Variants in NETO2 observed in about 807,000 individuals in gnomAD.
NETO2 encodes the protein neuropilin and tolloid like 2, also known as neuropilin and tolloid-like protein 2.
NETO2 carries 28 observed loss-of-function variants against 62.5 expected under a neutral mutation model. The observed-to-expected ratio is 0.45, with a 90% CI of 0.33 to 0.61. NETO2 has a LOEUF of 0.61. Ranked by LOEUF, NETO2 falls within the 20% of genes least tolerant of loss-of-function variation. The pLI is 0.02. For missense variants in NETO2, 548 were observed against 643.2 expected, an observed-to-expected ratio of 0.85 and a Z score of 1.60; for synonymous variants, 214 against 219.1, an observed-to-expected ratio of 0.98 and a Z score of 0.21.
At position 47,128,510 on chromosome 16, in the gene NETO2, T is replaced by C. The variant is rs1339100547; in HGVS notation, c.296A>G (p.Glu99Gly). The part of the protein sequence containing the change: ...DEHYYIEPSF[E>G]CRFDHLEVRD... ...AACTTCCAAGTGATCAAACCGACAC[T>C]CAAATGATGGTTCTATATAATAATG... Residue 99 changes from glutamate to glycine, a missense_variant, in exon 4 of 9, where the codon GAG becomes GGG. By Grantham distance (98) the Glu-to-Gly change is moderately conservative. Transcript: ENST00000562435. The C allele has an allele frequency of 6.2e-7, 1 of 1,613,926 alleles. No homozygotes were observed. The highest frequency in any genetic ancestry group is 1.1e-5 in the South Asian group (1 of 91,082).
At chr16:47,112,815 A>T (rs1963828156) in intron 6 of NETO2, among the ~76,000 whole-genome samples, 1 of 152,234 alleles carries the variant, frequency 6.6e-6, no homozygotes, top group South Asian at 2.1e-4. Context: ...AAATTTGTGA[A>T]TATGGAATTA....
chr16:47,103,279 C>T (rs1308788201), intron 7 of NETO2, among the ~76,000 whole-genome samples: 2 of 152,126 alleles, frequency 1.3e-5, no homozygotes, highest in Non-Finnish European at 2.9e-5. Context: ...GAACGTCACA[C>T]ACCGGGGCCT....
At chr16:47,123,016 A>G in intron 4 of NETO2, 104 bp from the exon 5 acceptor site, 1 of 1,102,362 alleles carries the variant, frequency 9.1e-7, no homozygotes, top group Non-Finnish European at 1.3e-6. Flanking sequence ...AGGTAAGAGA[A>G]GCTTTCATTG....
At chr16:47,134,460 T>C (rs142550980) in intron 1 of NETO2, among the ~76,000 whole-genome samples, 17 of 152,296 alleles carry the variant, frequency 1.1e-4, no homozygotes, top group Non-Finnish European at 2.1e-4. Context: ...AGAAGATTTA[T>C]GATCAAAAAG....
At chr16:47,131,235 T>G (rs1596746028) in intron 2 of NETO2, among the ~76,000 whole-genome samples, 1 of 152,044 alleles carries the variant, frequency 6.6e-6, no homozygotes, top group African/African-American at 2.4e-5. Context: ...GGGTGGACGG[T>G]AGGTGCGTGA....
intron 1 of NETO2, among the ~76,000 whole-genome samples, chr16:47,140,083 G>A (rs1230310989): frequency 2.0e-5 from 3 of 152,182 alleles, no homozygotes; most frequent in Admixed American, 6.5e-5. Context: ...TAACAAACCC[G>A]TTGAAGTGTC....
intron 1 of NETO2, among the ~76,000 whole-genome samples, chr16:47,137,244 T>C (rs889509937): frequency 6.6e-6 from 1 of 152,230 alleles, no homozygotes; most frequent in East Asian, 1.9e-4. Flanking sequence ...CATAATCACC[T>C]TGGGTTTATT....
rs998114042 is a variant in NETO2 at position 47,143,667 on chromosome 16, C to A, written c.-55G>T. The A allele has an allele frequency of 8.2e-7, 1 of 1,216,922 alleles. No homozygotes were observed. 75.4% of individuals were successfully genotyped at this position (1,216,922 alleles called of 1,614,324 possible). On this transcript the variant is annotated 5_prime_UTR_variant, in exon 1 of 9. Transcript: ENST00000562435. ...GGCTGAGGTAGCGGCGGCGGTGGCTCGGCGCTCACGGCTCGGCGCGGCGGC... is the reference window on the plus strand; with the variant it reads ...GGCTGAGGTAGCGGCGGCGGTGGCTAGGCGCTCACGGCTCGGCGCGGCGGC...
chr16:47,139,083 T>C (rs781203521), intron 1 of NETO2, among the ~76,000 whole-genome samples: 4 of 152,198 alleles, frequency 2.6e-5, no homozygotes, highest in Admixed American at 6.5e-5. Context: ...TGGTTGTCTG[T>C]CTCTTCTCAC....
In NETO2 at chr16:47,081,046, G is replaced by C. The variant is rs1198861454; in HGVS notation, c.*2175C>G. On this transcript the variant is annotated 3_prime_UTR_variant, in exon 9 of 9. Transcript: ENST00000562435. Reference sequence around the variant, plus strand: ...TCTTTAAAGGCTCTGTATTTTGTAGGCCTCTTCAAGACCTTATAAATAGAA... The same window carrying C: ...TCTTTAAAGGCTCTGTATTTTGTAGCCCTCTTCAAGACCTTATAAATAGAA... The C allele has an allele frequency of 6.6e-6, 1 of 151,970 alleles. No homozygotes were observed. The highest frequency in any genetic ancestry group is 2.4e-5 in the African/African-American group (1 of 41,392). 9.4% of individuals were successfully genotyped at this position (151,970 alleles called of 1,614,324 possible).
intron 6 of NETO2, among the ~76,000 whole-genome samples, chr16:47,115,688 G>A (rs936445206): frequency 1.2e-4 from 15 of 121,346 alleles, no homozygotes; most frequent in East Asian, 2.0e-4. Context: ...CACCATGCCC[G>A]GCTAATTTTT....
chr16:47,084,113 T>C (rs1018899997), intron 8 of NETO2, among the ~76,000 whole-genome samples: 4 of 152,304 alleles, frequency 2.6e-5, no homozygotes, highest in South Asian at 4.1e-4. Flanking sequence ...TAAATACTCT[T>C]GTTCTATCAA....
intron 6 of NETO2, among the ~76,000 whole-genome samples, chr16:47,118,906 C>A (rs1167892347): frequency 6.6e-6 from 1 of 152,120 alleles, no homozygotes; most frequent in Admixed American, 6.5e-5. Flanking sequence ...AAACTTCTGT[C>A]ATCAGTTCCC....
chr16:47,086,084 C>T (rs945489142), intron 8 of NETO2, 142 bp downstream of exon 8: 29 of 660,346 alleles, frequency 4.4e-5, no homozygotes, highest in East Asian at 2.6e-4. Flanking sequence ...CCAGCCTGGG[C>T]GACAGAGCAG....
Position 47,081,739 on chromosome 16 carries a change from C to T in NETO2, c.*1482G>A, listed in dbSNP as rs142710041. 1 of 152,472 alleles carries T rather than the reference C, an allele frequency of 6.6e-6. No homozygotes were observed. The highest frequency in any genetic ancestry group is 2.4e-5 in the African/African-American group (1 of 41,556). The allele number at this position is 152,472 out of a possible 1,614,324, so 9.4% of individuals were successfully genotyped here. ...ACAATTTGATAAATGAGTTCCTTTCCATACATACCTTAAGATCCACAACCT... is the reference window on the plus strand; with the variant it reads ...ACAATTTGATAAATGAGTTCCTTTCTATACATACCTTAAGATCCACAACCT... On this transcript the variant is annotated 3_prime_UTR_variant, in exon 9 of 9. Coordinates refer to ENST00000562435, the MANE Select transcript of NETO2 (RefSeq NM_018092.5).
chr16:47,115,248 G>A (rs1442417084), intron 6 of NETO2, among the ~76,000 whole-genome samples: 1 of 152,040 alleles, frequency 6.6e-6, no homozygotes, highest in African/African-American at 2.4e-5. Context: ...TCTAGAATCA[G>A]TTTGTCAATC....
At chr16:47,106,527 G>A (rs1315334419) in intron 7 of NETO2, among the ~76,000 whole-genome samples, 2 of 151,748 alleles carry the variant, frequency 1.3e-5, no homozygotes, top group African/African-American at 2.4e-5. Context: ...AATATCTAAC[G>A]AAATTACACA....
At chr16:47,129,095 C>A (rs755442436) in intron 3 of NETO2, 129 bp downstream of exon 3, 20 of 850,902 alleles carry the variant, frequency 2.4e-5, no homozygotes, top group Non-Finnish European at 3.6e-5. Context: ...AAATACTTAT[C>A]ATTACTACAG....
chr16:47,117,457 G>A (rs1444120753), intron 6 of NETO2, among the ~76,000 whole-genome samples: 1 of 152,092 alleles, frequency 6.6e-6, no homozygotes, highest in Non-Finnish European at 1.5e-5. Flanking sequence ...TTTATTCTGT[G>A]CCAATCTCTT....
Sources: allele counts gnomAD v4.1 joint callset (sites outside exome capture counted in the v4.1 genomes callset), GRCh38; gene constraint gnomAD v4.1.1; transcripts MANE v1.5; gene names NCBI Gene and HGNC (gene_info 2026-07-23, HGNC 2026-07-21).